Variants in NOL11 observed in about 807,000 individuals in gnomAD.
NOL11 encodes the protein nucleolar protein 11.
NOL11 carries 42 observed loss-of-function variants against 93.0 expected under a neutral mutation model. The ratio of observed to expected loss-of-function variants is 0.45; its 90% CI spans 0.35 to 0.58. The LOEUF (loss-of-function observed/expected upper bound fraction) is 0.58. Ranked by LOEUF, NOL11 falls within the 20% of genes least tolerant of loss-of-function variation. The probability of loss-of-function intolerance (pLI) is 0.00; values close to 1 mark genes in which losing one functional copy is unlikely to be tolerated. For synonymous variants in NOL11, 296 were observed against 293.7 expected (o/e 1.01, Z -0.08); for missense variants, 775 against 841.8 (o/e 0.92, Z 0.98).
rs562904666 is a variant in NOL11, at chr17:67,726,423, C to T, written c.665-37C>T. 1.2e-5 allele frequency: 18 copies of T among 1,518,622 alleles called. No homozygotes were observed. The East Asian group carries it at 3.9e-4, about 33-fold the overall frequency. The allele number at this position is 1,518,622 out of a possible 1,614,324, so 94.1% of individuals were successfully genotyped here. On this transcript the variant is annotated intron_variant, in intron 6 of 17. Coordinates refer to ENST00000253247, the MANE Select transcript of NOL11 (RefSeq NM_015462.5). ...TTAACTGTAATAGATATAGAAGTAT[C>T]CTTCAATAACCAACAACAAATGCTT...
At chr17:67,738,628 C>T in intron 14 of NOL11, 1 of 465,960 alleles carries the variant, frequency 2.1e-6, no homozygotes, top group Non-Finnish European at 3.8e-6. Flanking sequence ...GCCCAGGAGT[C>T]TGAGACCAGC....
intron 8 of NOL11, among the ~76,000 whole-genome samples, chr17:67,735,410 A>G (rs2055191818): frequency 6.6e-6 from 1 of 151,946 alleles, no homozygotes; most frequent in Non-Finnish European, 1.5e-5. Context: ...TTTTATTACA[A>G]CTTATTATTT....
chr17:67,721,011 C>A (rs889219631), intron 3 of NOL11, among the ~76,000 whole-genome samples: 2 of 152,194 alleles, frequency 1.3e-5, no homozygotes, highest in South Asian at 2.1e-4. Context: ...GCTGTAGTTA[C>A]AATTGTGGCA....
chr17:67,721,710 G>A (rs955230986), intron 4 of NOL11, among the ~76,000 whole-genome samples, 184 bp downstream of exon 4: 1 of 152,186 alleles, frequency 6.6e-6, no homozygotes, highest in African/African-American at 2.4e-5. Context: ...AGAAACCATA[G>A]AGTCATATGA....
intron 16 of NOL11, 75 bp downstream of exon 16, chr17:67,739,683 T>C: frequency 1.1e-6 from 1 of 884,466 alleles, no homozygotes; most frequent in Non-Finnish European, 1.8e-6. Flanking sequence ...GGTCAGCACC[T>C]GCATTCAAGA....
At chr17:67,720,088 T>A (rs2043206412) in intron 3 of NOL11, 126 bp downstream of exon 3, 1 of 799,106 alleles carries the variant, frequency 1.3e-6, no homozygotes. Flanking sequence ...AATCAGGTTT[T>A]CATTCTAATT....
At position 67,739,534 on chromosome 17, in the gene NOL11, T is replaced by C; in HGVS notation, c.1861T>C (p.Tyr621His). 1.3e-6 allele frequency: 2 copies of C among 1,590,880 alleles called. No homozygotes were observed. The highest frequency in any genetic ancestry group is 1.7e-6 in the Non-Finnish European group (2 of 1,172,138). ...QHITLFLKYL[Y>H]FLYLKCSENA... ...CACCCAGCTGTTTCTTAAGTATTTG[T>C]ATTTCCTGTACCTGAAGTGTAGCGA... The change falls in exon 16 of 18, where the codon TAT becomes CAT. Residue 621 changes from tyrosine (Y) to histidine (H), a missense_variant. Coordinates refer to ENST00000253247, the MANE Select transcript of NOL11 (RefSeq NM_015462.5).
intron 16 of NOL11, among the ~76,000 whole-genome samples, chr17:67,742,101 T>C (rs1052688849): frequency 6.6e-6 from 1 of 152,232 alleles, no homozygotes; most frequent in Non-Finnish European, 1.5e-5. Flanking sequence ...AGAGAAATTA[T>C]TGGATGAAAT....
intron 7 of NOL11, among the ~76,000 whole-genome samples, chr17:67,732,342 G>T (rs547024622): frequency 6.6e-6 from 1 of 151,756 alleles, no homozygotes; most frequent in Non-Finnish European, 1.5e-5. Context: ...AGAATTAGCC[G>T]GGTGTGGTGG....
Position 67,717,969 on chromosome 17 carries a change from T to C in NOL11, c.22T>C (p.Phe8Leu). ...CAAAATGGCAGCGCTGGAGGAAGAATTCACGTTGTCTTCGGTAGTCCTGAG... is the reference window on the plus strand; with the variant it reads ...CAAAATGGCAGCGCTGGAGGAAGAACTCACGTTGTCTTCGGTAGTCCTGAG... Reference protein sequence around the residue: MAALEEEFTLSSVVLSAG... With the variant: MAALEEELTLSSVVLSAG... The change falls in exon 1 of 18, where the codon TTC becomes CTC. Residue 8 changes from phenylalanine to leucine, a missense_variant. Around this residue, in one of 2 missense-constraint regions of NOL11, gnomAD observed 359 missense variants for 316.5 expected, o/e 1.13. Transcript: ENST00000253247. The C allele has an allele frequency of 6.2e-7, 1 of 1,614,192 alleles. No homozygotes were observed. Among genetic ancestry groups the C allele is most frequent in the Non-Finnish European group, 8.5e-7 (1 of 1,180,026 alleles).
Position 67,734,428 on chromosome 17 carries a change from A to C in NOL11, c.919A>C (p.Thr307Pro). 6 of 1,599,654 alleles carry C rather than the reference A, an allele frequency of 3.8e-6. No individual in the cohort carries two copies. The highest frequency in any genetic ancestry group is 5.1e-6 in the Non-Finnish European group (6 of 1,167,522). The change falls in exon 8 of 18, where the codon ACC becomes CCC. Residue 307 changes from threonine to proline, a missense_variant. By Grantham distance (38) the Thr-to-Pro change is conservative. This residue lies in a region of NOL11 where 416 missense variants were observed against 525.2 expected (regional missense o/e 0.79). Transcript: ENST00000253247. ...LQTSKELPQG[T>P]SGQLWYYGEH... ...GACTTCAAAAGAGTTACCACAAGGG[A>C]CCAGTGGTCAAGTAAGTTTTTTCAC...
intron 1 of NOL11, chr17:67,719,136 C>A (rs2043198552): frequency 6.6e-6 from 1 of 152,134 alleles, no homozygotes; most frequent in South Asian, 2.1e-4. Context: ...CGGTGGTTCA[C>A]GCCTGTAATC....
chr17:67,718,440 T>C (rs2043192591), intron 1 of NOL11, among the ~76,000 whole-genome samples: 1 of 152,112 alleles, frequency 6.6e-6, no homozygotes, highest in South Asian at 2.1e-4. Context: ...GAACGGAGAT[T>C]GGTTGGGCGG....
intron 6 of NOL11, 146 bp downstream of exon 6, chr17:67,724,339 T>C (rs1027885706): frequency 2.2e-6 from 1 of 464,022 alleles, no homozygotes; most frequent in Non-Finnish European, 3.7e-6. Context: ...TCACTTTTTT[T>C]TTTTTTTTTT....
chr17:67,737,420 T>C, intron 11 of NOL11, 88 bp from the exon 12 acceptor site: 2 of 1,111,872 alleles, frequency 1.8e-6, no homozygotes. Flanking sequence ...CTGTTAGTCA[T>C]TTGAGAAAAT....
intron 5 of NOL11, among the ~76,000 whole-genome samples, chr17:67,723,639 G>A (rs1328338062): frequency 6.0e-5 from 9 of 150,528 alleles, no homozygotes; most frequent in Non-Finnish European, 8.9e-5. Flanking sequence ...CACCGACTGC[G>A]GCCTCCCAAA....
intron 7 of NOL11, among the ~76,000 whole-genome samples, chr17:67,730,408 G>A (rs1274022943): frequency 6.6e-6 from 1 of 152,040 alleles, no homozygotes; most frequent in Non-Finnish European, 1.5e-5. Flanking sequence ...CTACAGGTGG[G>A]TGCCACCACA....
At position 67,728,238 on chromosome 17, in the gene NOL11, G is replaced by T. The variant is rs546155158; in HGVS notation, c.853+1590G>T. On this transcript the variant is annotated intron_variant, in intron 7 of 17. Transcript: ENST00000253247. The stretch of plus-strand genomic sequence containing the variant: ...TCACACCACTGCACTCCAGCCTGGG[G>T]GACAGAGCAAGACTCCGTCTCAGAA... Among the ~76,000 whole-genome samples, 25 of 152,004 alleles carry T rather than the reference G, an allele frequency of 1.6e-4. No individual in the cohort carries two copies. In the South Asian group the frequency reaches 4.4e-3, roughly 27 times the overall value.
chr17:67,718,101 G>A lies in NOL11; in HGVS notation c.141+13G>A. The A allele has an allele frequency of 6.2e-7, 1 of 1,607,172 alleles. No individual in the cohort carries two copies. The highest frequency in any genetic ancestry group is 8.5e-7 in the Non-Finnish European group (1 of 1,175,942). ...CATCCTCTATAAGGTGAAGGCAATA[G>A]GTTTGGGAGCGCCCCGACTGCCTTC... On this transcript the variant is annotated intron_variant, in intron 1 of 17. Coordinates refer to ENST00000253247, the MANE Select transcript of NOL11 (RefSeq NM_015462.5).
Sources: allele counts gnomAD v4.1 joint callset (sites outside exome capture counted in the v4.1 genomes callset), GRCh38; gene constraint gnomAD v4.1.1; regional missense constraint gnomAD v4.1.1; transcripts MANE v1.5; gene names NCBI Gene and HGNC (gene_info 2026-07-23, HGNC 2026-07-21).